Variants in MS4A4E observed in about 807,000 individuals in gnomAD.
MS4A4E encodes the protein putative membrane-spanning 4-domains subfamily A member 4E.
A neutral mutation model predicts 13.3 loss-of-function variants in MS4A4E; 23 were observed. That is an observed-to-expected ratio of 1.73 (90% CI 1.25 to 2.45). MS4A4E has a LOEUF of 2.45. MS4A4E is among the 30% of genes most tolerant of loss of function. MS4A4E has a pLI of 0.00. For missense variants in MS4A4E, 144 were observed against 131.2 expected (o/e 1.10, Z -0.48); for synonymous variants, 36 against 45.6 (o/e 0.79, Z 0.85).
intron 5 of MS4A4E, among the ~76,000 whole-genome samples, chr11:60,212,097 A>C (rs1391806491): frequency 6.6e-6 from 1 of 152,190 alleles, no homozygotes; most frequent in Non-Finnish European, 1.5e-5. Flanking sequence ...AGAATAAAGC[A>C]ATTGAGATAG....
At chr11:60,237,955 T>G (rs951244432) in intron 1 of MS4A4E, among the ~76,000 whole-genome samples, 9 of 152,038 alleles carry the variant, frequency 5.9e-5, no homozygotes, top group Non-Finnish European at 1.2e-4. Context: ...TTGCGGTTTT[T>G]GTCTTTTATT....
chr11:60,226,892 A>C (rs1278729763), intron 3 of MS4A4E, among the ~76,000 whole-genome samples: 11 of 152,222 alleles, frequency 7.2e-5, no homozygotes, highest in Non-Finnish European at 1.6e-4. Flanking sequence ...ATCTGAAAGA[A>C]TCAACCAAAA....
chr11:60,226,306 C>T (rs1305934623), intron 3 of MS4A4E, among the ~76,000 whole-genome samples: 1 of 146,166 alleles, frequency 6.8e-6, no homozygotes, highest in Non-Finnish European at 1.5e-5. Context: ...TATTATCTAC[C>T]AAAAAAAAAA....
At chr11:60,230,114 CA>C in intron 1 of MS4A4E, 43 bp from the exon 2 acceptor site, 1 of 1,525,908 alleles carries the variant, frequency 6.6e-7, no homozygotes, top group Non-Finnish European at 8.7e-7. Context: ...CTGGAAATGA[CA>C]AAAGAAAGTC....
In MS4A4E at chr11:60,201,859, C is replaced by A; in HGVS notation, c.680G>T (p.Gly227Val). The change falls in exon 9 of 9, where the codon GGT becomes GTT. Residue 227 changes from glycine (G) to valine (V), a missense_variant. By Grantham distance (109) the Gly-to-Val change is moderately radical. Transcript: ENST00000651255. ...ACGCCACTGCACTCCAGCCTGGGCACCATTGAGCACTCGATAAATACTTTT... is the reference window on the plus strand; with the variant it reads ...ACGCCACTGCACTCCAGCCTGGGCAACATTGAGCACTCGATAAATACTTTT... ...RIESIYRVLN[G>V]AQAGVQWRDL... The A allele has an allele frequency of 5.0e-6, 1 of 198,208 alleles. No individual in the cohort carries two copies. The highest frequency in any genetic ancestry group is 7.5e-4 in the Middle Eastern group (1 of 1,338). The allele number at this position is 198,208 out of a possible 1,614,324, so 12.3% of individuals were successfully genotyped here.
intron 1 of MS4A4E, among the ~76,000 whole-genome samples, chr11:60,232,486 C>T (rs544650769): frequency 5.9e-5 from 9 of 152,266 alleles, no homozygotes; most frequent in African/African-American, 2.2e-4. Context: ...CCAGTTAGAA[C>T]CAGCTCTGAG....
chr11:60,220,799 C>A (rs1270842754), intron 3 of MS4A4E, among the ~76,000 whole-genome samples: 2 of 152,110 alleles, frequency 1.3e-5, no homozygotes, highest in Non-Finnish European at 2.9e-5. Flanking sequence ...AAGAAAGACT[C>A]ACAATGCCTA....
intron 1 of MS4A4E, among the ~76,000 whole-genome samples, chr11:60,238,910 C>A (rs2084515525): frequency 6.6e-6 from 1 of 152,186 alleles, no homozygotes; most frequent in Non-Finnish European, 1.5e-5. Flanking sequence ...AAAATGTCAA[C>A]CATGAACCAG....
At chr11:60,210,032 A>T (rs1281296878) in intron 5 of MS4A4E, among the ~76,000 whole-genome samples, 1 of 152,268 alleles carries the variant, frequency 6.6e-6, no homozygotes, top group Non-Finnish European at 1.5e-5. Context: ...CTAGAAGTGT[A>T]GACTAGAAGA....
intron 6 of MS4A4E, among the ~76,000 whole-genome samples, chr11:60,206,086 T>C (rs1046453625): frequency 1.3e-5 from 2 of 151,870 alleles, no homozygotes; most frequent in African/African-American, 4.8e-5. Flanking sequence ...TTTCTATGGG[T>C]GAAGGAAAGC....
At chr11:60,224,272 G>A (rs2084314023) in intron 3 of MS4A4E, among the ~76,000 whole-genome samples, 1 of 152,100 alleles carries the variant, frequency 6.6e-6, no homozygotes, top group Non-Finnish European at 1.5e-5. Flanking sequence ...CATAGTCACT[G>A]TTATTAAACT....
chr11:60,231,786 A>T (rs2084414223), intron 1 of MS4A4E, among the ~76,000 whole-genome samples: 1 of 152,222 alleles, frequency 6.6e-6, no homozygotes, highest in Admixed American at 6.5e-5. Flanking sequence ...AGACATGCTT[A>T]GAAAGCAATT....
intron 4 of MS4A4E, among the ~76,000 whole-genome samples, chr11:60,213,800 G>A (rs1216872547): frequency 1.3e-5 from 2 of 152,110 alleles, no homozygotes; most frequent in Non-Finnish European, 2.9e-5. Flanking sequence ...AAGGCATCTT[G>A]ACATGAGAGT....
At chr11:60,233,202 G>A (rs2084434958) in intron 1 of MS4A4E, among the ~76,000 whole-genome samples, 1 of 152,094 alleles carries the variant, frequency 6.6e-6, no homozygotes, top group Non-Finnish European at 1.5e-5. Flanking sequence ...ACACAGCCTG[G>A]GATATTGCCA....
intron 3 of MS4A4E, among the ~76,000 whole-genome samples, chr11:60,220,586 G>T (rs777517278): frequency 1.1e-4 from 17 of 152,174 alleles, no homozygotes; most frequent in Non-Finnish European, 1.9e-4. Flanking sequence ...ATACTGATGG[G>T]ATCCAGTGAG....
At chr11:60,233,051 A>G (rs866425904) in intron 1 of MS4A4E, among the ~76,000 whole-genome samples, 1 of 151,968 alleles carries the variant, frequency 6.6e-6, no homozygotes, top group African/African-American at 2.4e-5. Context: ...CCCGGAACTG[A>G]CCTGTCCCCT....
At chr11:60,222,326 C>G (rs2084279759) in intron 3 of MS4A4E, among the ~76,000 whole-genome samples, 2 of 152,226 alleles carry the variant, frequency 1.3e-5, no homozygotes, top group Admixed American at 1.3e-4. Flanking sequence ...CCAAGGCACT[C>G]ACTTGTTGGC....
chr11:60,216,502 G>A (rs901678205), intron 3 of MS4A4E, among the ~76,000 whole-genome samples: 2 of 152,022 alleles, frequency 1.3e-5, no homozygotes, highest in Admixed American at 6.6e-5. Context: ...AGTTTGTGGT[G>A]ATGATGTGAA....
At chr11:60,232,985 T>A (rs1199895956) in intron 1 of MS4A4E, among the ~76,000 whole-genome samples, 2 of 151,860 alleles carry the variant, frequency 1.3e-5, no homozygotes, top group East Asian at 3.9e-4. Context: ...ACCCATAGCT[T>A]TGATTGAGCT....
Sources: allele counts gnomAD v4.1 joint callset (sites outside exome capture counted in the v4.1 genomes callset), GRCh38; gene constraint gnomAD v4.1.1; transcripts MANE v1.5; gene names NCBI Gene and HGNC (gene_info 2026-07-23, HGNC 2026-07-21).